MACROD2: variants seen among roughly 807,000 people sequenced by gnomAD.
MACROD2 encodes mono-ADP ribosylhydrolase 2.
In MACROD2, 36 loss-of-function variants were observed where a neutral mutation model predicts 70.4. The ratio of observed to expected loss-of-function variants is 0.51; its 90% confidence interval spans 0.39 to 0.68. MACROD2 has a LOEUF of 0.68. MACROD2 is among the 30% of genes least tolerant of loss of function. MACROD2 has a pLI of 0.00. For synonymous variants in MACROD2, 172 were observed against 178.8 expected (o/e 0.96, Z 0.30); for missense variants, 496 against 538.4 (o/e 0.92, Z 0.78).
chr20:15,687,979 G>A (rs73242465), intron 8 of MACROD2, among the ~76,000 whole-genome samples: 32,527 of 152,020 alleles, frequency 0.21, 5,410 homozygotes, highest in African/African-American at 0.47. Flanking sequence ...TTTCAAAAGT[G>A]AATGTAGAAA....
At chr20:14,436,732 T>G (rs1759214044) in intron 3 of MACROD2, among the ~76,000 whole-genome samples, 1 of 152,214 alleles carries the variant, frequency 6.6e-6, no homozygotes, top group Admixed American at 6.5e-5. Flanking sequence ...CCTAGCTGTA[T>G]CAACCAACTG....
In MACROD2 at chr20:14,264,132, C is replaced by T. The variant is rs141386884; in HGVS notation, c.271+178404C>T. On this transcript the variant is annotated intron_variant, in intron 3 of 17. Coordinates refer to ENST00000684519, the MANE Select transcript of MACROD2 (RefSeq NM_001351661.2). ...GAGCAGGCATATATAATACACAATG[C>T]AATTTGGCTGATGATCCATTTCATT... Among the ~76,000 whole-genome samples, 749 of 150,188 alleles carry T rather than the reference C, an allele frequency of 5.0e-3. 2 individuals are homozygous for T. The highest frequency in any genetic ancestry group is 9.8e-3 in the South Asian group (46 of 4,676).
At chr20:15,449,070 C>T (rs1040003218) in intron 7 of MACROD2, among the ~76,000 whole-genome samples, 3 of 152,072 alleles carry the variant, frequency 2.0e-5, no homozygotes, top group African/African-American at 7.2e-5. Flanking sequence ...ATTTTTTATT[C>T]CCATCCCCAA....
intron 8 of MACROD2, among the ~76,000 whole-genome samples, chr20:15,635,351 G>T (rs191087558): frequency 6.6e-6 from 1 of 152,156 alleles, no homozygotes; most frequent in African/African-American, 2.4e-5. Context: ...CCATCTGTTT[G>T]CAAAGCTAGT....
At chr20:14,953,473 AT>A (rs1189312859) in intron 5 of MACROD2, among the ~76,000 whole-genome samples, 4 of 151,844 alleles carry the variant, frequency 2.6e-5, no homozygotes, top group Non-Finnish European at 5.9e-5. Flanking sequence ...CGCCCAGCTA[AT>A]TTTTTGTATT....
intron 4 of MACROD2, among the ~76,000 whole-genome samples, chr20:14,513,950 A>G (rs549602025): frequency 6.6e-6 from 1 of 152,236 alleles, no homozygotes; most frequent in African/African-American, 2.4e-5. Flanking sequence ...CCAAAATGCT[A>G]TGCTATCTTT....
At chr20:14,493,431 T>G (rs1345885460) in intron 3 of MACROD2, 48 bp from the exon 4 acceptor site, 1 of 1,504,556 alleles carries the variant, frequency 6.6e-7, no homozygotes, top group Non-Finnish European at 9.2e-7. Flanking sequence ...ATACTATATT[T>G]CTTATACATA....
chr20:14,561,958 A>T (rs1979461082), intron 4 of MACROD2, among the ~76,000 whole-genome samples: 1 of 146,920 alleles, frequency 6.8e-6, no homozygotes, highest in Non-Finnish European at 1.5e-5. Context: ...AAATAAATAA[A>T]CCAGAATATG....
At chr20:14,583,174 A>G (rs1023743440) in intron 4 of MACROD2, among the ~76,000 whole-genome samples, 3 of 152,166 alleles carry the variant, frequency 2.0e-5, no homozygotes, top group African/African-American at 7.2e-5. Context: ...GCTCAGATTC[A>G]TCTCAAGCTA....
intron 8 of MACROD2, among the ~76,000 whole-genome samples, chr20:15,759,145 CAAAAAAAAAA>C (rs57212358): frequency 2.5e-4 from 15 of 58,926 alleles, no homozygotes; most frequent in African/African-American, 9.0e-4. Context: ...GACTCCATCT[CAAAAAAAAAA>C]AAAAAAAAAA....
At chr20:15,894,662 GA>G (rs1388442832) in intron 10 of MACROD2, among the ~76,000 whole-genome samples, 3 of 152,220 alleles carry the variant, frequency 2.0e-5, no homozygotes, top group African/African-American at 7.2e-5. Flanking sequence ...TGACAATGAA[GA>G]GTAGAAATAG....
intron 2 of MACROD2, among the ~76,000 whole-genome samples, chr20:14,033,963 TTTA>T (rs997440634): frequency 3.2e-5 from 3 of 94,370 alleles, no homozygotes; most frequent in Non-Finnish European, 6.3e-5. Flanking sequence ...CTATTTTTAT[TTTA>T]TTTATTTATT....
At chr20:15,147,085 T>C (rs2076235464) in intron 5 of MACROD2, among the ~76,000 whole-genome samples, 1 of 152,042 alleles carries the variant, frequency 6.6e-6, no homozygotes, top group Non-Finnish European at 1.5e-5. Context: ...GAAATTGGAG[T>C]ATCCCCCAGG....
chr20:14,808,287 T>G (rs2072664983), intron 5 of MACROD2, among the ~76,000 whole-genome samples: 1 of 151,964 alleles, frequency 6.6e-6, no homozygotes, highest in Non-Finnish European at 1.5e-5. Flanking sequence ...ATTCAAAATT[T>G]TTAAAGAAAA....
At chr20:15,382,393 A>G (rs2045656535) in intron 6 of MACROD2, among the ~76,000 whole-genome samples, 2 of 152,326 alleles carry the variant, frequency 1.3e-5, no homozygotes, top group South Asian at 4.1e-4. Flanking sequence ...TGATTGCCTT[A>G]TGATTAAACT....
At chr20:14,310,786 T>G (rs564127024) in intron 3 of MACROD2, among the ~76,000 whole-genome samples, 148 of 152,208 alleles carry the variant, frequency 9.7e-4, no homozygotes, top group African/African-American at 3.4e-3. Context: ...ATCCTGATCC[T>G]TTTTAGGCCT....
chr20:14,127,952 AG>A, intron 3 of MACROD2: 1 of 513,484 alleles, frequency 1.9e-6, no homozygotes, highest in South Asian at 1.5e-5. Context: ...TAGAAGACGT[AG>A]TTGTTGGGGA....
intron 8 of MACROD2, among the ~76,000 whole-genome samples, chr20:15,777,914 G>A (rs1368515907): frequency 1.3e-5 from 2 of 152,126 alleles, no homozygotes; most frequent in Admixed American, 1.3e-4. Flanking sequence ...GCCTCCCAAA[G>A]TGCTGGGATT....
At position 15,186,786 on chromosome 20, in the gene MACROD2, AAGT is replaced by A. The variant is rs555912185; in HGVS notation, c.419-43153_419-43151del. Among the ~76,000 whole-genome samples the A allele has an allele frequency of 3.7e-3, 567 of 152,242 alleles. 1 individual carries two copies. The highest frequency in any genetic ancestry group is 0.013 in the African/African-American group (553 of 41,552). On this transcript the variant is annotated intron_variant, in intron 5 of 17. Transcript: ENST00000684519. ...GTGCCTGAAACTTGGCCTCCCATGGAAGTCTCAGGTATTTTTGTGTCACACTCC... is the reference window on the plus strand; with the variant it reads ...GTGCCTGAAACTTGGCCTCCCATGGACTCAGGTATTTTTGTGTCACACTCC...
Sources: gnomAD v4.1 joint callset for allele counts (sites outside exome capture counted in the v4.1 genomes callset) on GRCh38, gnomAD v4.1.1 for gene constraint, MANE v1.5 for transcripts, NCBI Gene and HGNC (gene_info 2026-07-23, HGNC 2026-07-21) for gene names.